Variants in BRWD3 observed in about 807,000 individuals in gnomAD.
BRWD3 encodes bromodomain and WD repeat domain containing 3.
Under a neutral mutation model 149.7 loss-of-function variants are expected in BRWD3, and 10 were observed. The ratio of observed to expected loss-of-function variants is 0.07; its 90% CI spans 0.04 to 0.11. BRWD3 has a LOEUF of 0.11. Among genes scored for constraint, BRWD3 ranks in the 10% least tolerant of loss-of-function variants. The pLI is 1.00. For synonymous variants in BRWD3, 504 were observed against 456.7 expected (o/e 1.10, Z -1.32); for missense variants, 940 against 1,373.2 (o/e 0.68, Z 4.99).
rs1054874087 is a variant in BRWD3 at position 80,676,345 on chromosome X, CTG to C, written c.*262_*263del. The C allele has an allele frequency of 3.1e-4, 107 of 342,710 alleles. No individual in the cohort carries two copies. Among genetic ancestry groups the C allele is most frequent in the African/African-American group, 1.7e-3 (64 of 37,319 alleles). The allele number at this position is 342,710 out of a possible 1,213,427, so 28.2% of individuals were successfully genotyped here. A position where few individuals can be genotyped will look rare whatever the true frequency, so the allele number is the denominator to read the frequency against. On this transcript the variant is annotated 3_prime_UTR_variant, in exon 41 of 41. Coordinates refer to ENST00000373275, the MANE Select transcript of BRWD3 (RefSeq NM_153252.5). ...TGTGTTGTGTTTCGTGTGTGTGTGT[CTG>C]TGTGTGTGTATGTGTGTGTATGTGT... is the stretch of plus-strand genomic sequence containing the variant.
intron 6 of BRWD3, among the ~76,000 whole-genome samples, chrX:80,788,216 C>A (rs2074137261): frequency 9.0e-6 from 1 of 110,504 alleles, no homozygotes; most frequent in South Asian, 3.8e-4. Flanking sequence ...GTGATTGCTT[C>A]AGCCCAGGAG....
chrX:80,729,785 C>T (rs2073300041), intron 13 of BRWD3, 131 bp downstream of exon 13: 3 of 498,546 alleles, frequency 6.0e-6, no homozygotes, highest in Admixed American at 3.0e-5. Context: ...AGAGGCTGTA[C>T]AGATGCAAAC....
At chrX:80,743,093 T>C (rs914889324) in intron 8 of BRWD3, among the ~76,000 whole-genome samples, 1 of 111,419 alleles carries the variant, frequency 9.0e-6, no homozygotes, top group Non-Finnish European at 1.9e-5. Context: ...TTATTGAGAG[T>C]TTTTAGCATG....
intron 27 of BRWD3, among the ~76,000 whole-genome samples, chrX:80,695,048 G>A (rs2072664963): frequency 9.0e-6 from 1 of 110,759 alleles, no homozygotes; most frequent in Admixed American, 9.7e-5. Context: ...GGAGCTGATT[G>A]GATTATGGGG....
intron 6 of BRWD3, among the ~76,000 whole-genome samples, chrX:80,790,791 G>C (rs957056694): frequency 2.7e-5 from 3 of 111,354 alleles, no homozygotes; most frequent in Non-Finnish European, 5.7e-5. Context: ...TTGAAAATAA[G>C]TAAATGCATG....
Position 80,741,965 on chromosome X carries a change from T to C in BRWD3, c.813+2067A>G, listed in dbSNP as rs781141288. Among the ~76,000 whole-genome samples the C allele has an allele frequency of 2.7e-5, 3 of 111,973 alleles. No homozygotes were observed. In the East Asian group the frequency reaches 8.4e-4, roughly 31 times the overall value. On this transcript the variant is annotated intron_variant, in intron 8 of 40. Coordinates refer to ENST00000373275, the MANE Select transcript of BRWD3 (RefSeq NM_153252.5). ...TTTTGTTGCCATTGCTTTTGGTGTT[T>C]TAGACATGAAGTCCTTGCCCATGCC...
chrX:80,761,687 TTTAA>T (rs1277210816), intron 6 of BRWD3, among the ~76,000 whole-genome samples: 3 of 112,088 alleles, frequency 2.7e-5, no homozygotes, highest in Non-Finnish European at 3.8e-5. Flanking sequence ...ATTTTACATA[TTTAA>T]TTAGAATAAA....
intron 8 of BRWD3, chrX:80,743,637 G>C (rs1401715791): frequency 8.2e-6 from 1 of 122,644 alleles, no homozygotes; most frequent in Non-Finnish European, 1.7e-5. Flanking sequence ...GGGTGTATGT[G>C]TCGAGGAATT....
Position 80,710,381 on chromosome X carries a change from ACAGAGCTAC to A in BRWD3, c.2326-813_2326-805del. On this transcript the variant is annotated intron_variant, in intron 20 of 40. Transcript: ENST00000373275. ...TGGTCATCTGCTGACTATTTTGACTACAGAGCTACGTCCACTGGGGCCCATTCTCAGTCA... is the reference window on the plus strand; with the variant it reads ...TGGTCATCTGCTGACTATTTTGACTAGTCCACTGGGGCCCATTCTCAGTCA... The A allele has an allele frequency of 8.9e-6, 3 of 337,692 alleles. No homozygotes were observed. The South Asian group carries it at 1.0e-4, about 11-fold the overall frequency. The allele number at this position is 337,692 out of a possible 1,213,427, so 27.8% of individuals were successfully genotyped here.
At position 80,670,647 on chromosome X, in the gene BRWD3, TG is replaced by T. The variant is rs2072316074; in HGVS notation, c.*5961del. Among the ~76,000 whole-genome samples the T allele has an allele frequency of 9.0e-6, 1 of 110,916 alleles. No individual in the cohort carries two copies. On this transcript the variant is annotated 3_prime_UTR_variant, in exon 41 of 41. Transcript: ENST00000373275. ...GCTGCCCAGGCTGGTCTTGAACTCC[TG>T]GGCTCAAATAATCCTCCCACCATGG...
At chrX:80,702,343 G>A (rs1252400253) in intron 24 of BRWD3, among the ~76,000 whole-genome samples, 3 of 112,178 alleles carry the variant, frequency 2.7e-5, no homozygotes, top group East Asian at 5.6e-4. Flanking sequence ...CCAAAGAATG[G>A]AGAAAAATAG....
chrX:80,802,229 T>A (rs1453353318), intron 4 of BRWD3, among the ~76,000 whole-genome samples: 2 of 109,748 alleles, frequency 1.8e-5, no homozygotes, highest in African/African-American at 6.6e-5. Flanking sequence ...TCACTGGAGG[T>A]CAGGAGTTCA....
At chrX:80,727,572 G>A in intron 14 of BRWD3, among the ~76,000 whole-genome samples, 1 of 111,238 alleles carries the variant, frequency 9.0e-6, no homozygotes, top group East Asian at 2.8e-4. Flanking sequence ...TTCCTACCAT[G>A]TAGAGGCAGG....
intron 4 of BRWD3, among the ~76,000 whole-genome samples, chrX:80,801,304 T>C (rs904218676): frequency 2.4e-5 from 2 of 85,021 alleles, no homozygotes; most frequent in Non-Finnish European, 4.3e-5. Flanking sequence ...CACTGCAACC[T>C]CCGCCCTCCA....
intron 15 of BRWD3, 87 bp from the exon 16 acceptor site, chrX:80,723,963 C>A (rs775631250): frequency 8.4e-5 from 82 of 970,677 alleles, no homozygotes; most frequent in Non-Finnish European, 1.2e-4. Context: ...ATACCATGGA[C>A]TCTGTGATAC....
At chrX:80,765,116 G>A (rs1412332646) in intron 6 of BRWD3, among the ~76,000 whole-genome samples, 1 of 111,501 alleles carries the variant, frequency 9.0e-6, no homozygotes. Context: ...CTTCTGCTCT[G>A]CTGGCCTAGA....
intron 20 of BRWD3, among the ~76,000 whole-genome samples, chrX:80,714,348 C>T (rs778951150): frequency 1.9e-5 from 2 of 107,301 alleles, no homozygotes; most frequent in East Asian, 5.9e-4. Flanking sequence ...CTGCCTGCCT[C>T]AGCCTCCCGA....
chrX:80,754,203 T>G (rs769343648), intron 6 of BRWD3, among the ~76,000 whole-genome samples: 7 of 112,113 alleles, frequency 6.2e-5, no homozygotes, highest in Non-Finnish European at 1.3e-4. Flanking sequence ...AAGTGTTCTG[T>G]AGTTTTCTAT....
chrX:80,736,421 C>T (rs928725593), intron 8 of BRWD3, among the ~76,000 whole-genome samples: 2 of 111,388 alleles, frequency 1.8e-5, no homozygotes, highest in East Asian at 2.8e-4. Flanking sequence ...ACTACTTAAA[C>T]CTTTACAAAT....
Sources: gnomAD v4.1 joint callset for allele counts (sites outside exome capture counted in the v4.1 genomes callset) on GRCh38, gnomAD v4.1.1 for gene constraint, MANE v1.5 for transcripts, NCBI Gene and HGNC (gene_info 2026-07-23, HGNC 2026-07-21) for gene names.